Variants in SLC15A1 observed in about 807,000 individuals in gnomAD.
The protein encoded by SLC15A1 is solute carrier family 15 member 1.
SLC15A1 carries 83 observed loss-of-function variants against 92.9 expected under a neutral mutation model. The ratio of observed to expected loss-of-function variants is 0.89; its 90% CI spans 0.75 to 1.07. The LOEUF (loss-of-function observed/expected upper bound fraction) is 1.07, where lower values mean the gene tolerates loss of function less well. Ranked by LOEUF, SLC15A1 falls within the 50% of genes least tolerant of loss-of-function variation. The probability of loss-of-function intolerance (pLI) is 0.00; values close to 1 mark genes in which losing one functional copy is unlikely to be tolerated. For missense variants in SLC15A1, 857 were observed against 880.1 expected (o/e 0.97, Z 0.33); for synonymous variants, 322 against 318.2 (o/e 1.01, Z -0.13).
chr13:98,725,882 T>A (rs142060417), intron 4 of SLC15A1, among the ~76,000 whole-genome samples: 233 of 152,262 alleles, frequency 1.5e-3, no homozygotes, highest in African/African-American at 5.3e-3. Flanking sequence ...TATGCCACTA[T>A]GCCTTGCTAA....
chr13:98,752,190 C>A lies in SLC15A1; in HGVS notation c.4+405G>T, dbSNP rs1174363964. Among the ~76,000 whole-genome samples, 4 of 152,236 alleles carry A rather than the reference C, an allele frequency of 2.6e-5. No individual in the cohort carries two copies. In the East Asian group the frequency reaches 7.7e-4, roughly 29 times the overall value. ...CGGAACTCCAGGGTCACCTCGCCAG[C>A]CAGAGGCAAGACAAGTGCAAAGGCA... On this transcript the variant is annotated intron_variant, in intron 1 of 22. Transcript: ENST00000376503.
intron 5 of SLC15A1, 121 bp from the exon 6 acceptor site, chr13:98,722,024 C>T (rs773902887): frequency 1.2e-4 from 82 of 709,454 alleles, no homozygotes; most frequent in Non-Finnish European, 1.7e-4. Flanking sequence ...AAGACAATCT[C>T]GCGAGAAGCC....
rs2087915987 is a variant in SLC15A1 at position 98,684,641 on chromosome 13, C to T, written c.*83G>A. ...TTCTGAAGTCTTCCTCATCAGGGGCCATCCAATGGAGTGTCCTGCTACCTG... is the reference window on the plus strand; with the variant it reads ...TTCTGAAGTCTTCCTCATCAGGGGCTATCCAATGGAGTGTCCTGCTACCTG... On this transcript the variant is annotated 3_prime_UTR_variant, in exon 23 of 23. Coordinates refer to ENST00000376503, the MANE Select transcript of SLC15A1 (RefSeq NM_005073.4). 2 of 994,100 alleles carry T rather than the reference C, an allele frequency of 2.0e-6. No individual in the cohort carries two copies. Among genetic ancestry groups the T allele is most frequent in the East Asian group, 4.8e-5 (2 of 41,744 alleles). The allele number at this position is 994,100 out of a possible 1,614,324, so 61.6% of individuals were successfully genotyped here.
intron 5 of SLC15A1, among the ~76,000 whole-genome samples, chr13:98,723,367 A>G (rs1252998031): frequency 6.6e-6 from 1 of 152,256 alleles, no homozygotes; most frequent in Non-Finnish European, 1.5e-5. Flanking sequence ...CAAAAACAGG[A>G]AACTAAATAA....
chr13:98,730,523 C>T (rs959555231), intron 1 of SLC15A1, among the ~76,000 whole-genome samples: 5 of 152,164 alleles, frequency 3.3e-5, no homozygotes, highest in African/African-American at 1.2e-4. Flanking sequence ...GCCCTGCGGC[C>T]GAGTTTCATG....
chr13:98,687,641 A>G lies in SLC15A1; in HGVS notation c.1767T>C (p.Phe589=), dbSNP rs774584610. 9 of 1,614,086 alleles carry G rather than the reference A, an allele frequency of 5.6e-6. No individual in the cohort carries two copies. Among genetic ancestry groups the G allele is most frequent in the Non-Finnish European group, 6.8e-6 (8 of 1,180,032 alleles). Residue 589 remains phenylalanine, a synonymous_variant, in exon 21 of 23, where the codon TTT becomes TTC. Transcript: ENST00000376503. ...AGACCACTTCGCCACAGGTGAGAAG[A>G]AAATACTGCGGGATTTGCAGAGCCA... ...VNMALQIPQY[F]LLTCGEVVFS...
intron 5 of SLC15A1, among the ~76,000 whole-genome samples, chr13:98,723,091 T>A (rs1342693985): frequency 6.6e-6 from 1 of 152,124 alleles, no homozygotes; most frequent in African/African-American, 2.4e-5. Context: ...TGTTCTTAAC[T>A]GATATTACAG....
intron 1 of SLC15A1, among the ~76,000 whole-genome samples, chr13:98,734,171 G>A (rs556470572): frequency 2.6e-5 from 4 of 152,144 alleles, no homozygotes; most frequent in Non-Finnish European, 5.9e-5. Flanking sequence ...TCACCATGTT[G>A]GCCAGGCTGG....
In SLC15A1 at chr13:98,707,891, TAA is replaced by T. The variant is rs745924829; in HGVS notation, c.1149+793_1149+794del. On this transcript the variant is annotated intron_variant, in intron 15 of 22. Transcript: ENST00000376503. ...CTAGGCGACAGAGTGAGACCCTGTT[TAA>T]AAAAAAAAAAAAAAAAAAAAAAAAA... Among the ~76,000 whole-genome samples, 218 of 106,842 alleles carry T rather than the reference TAA, an allele frequency of 2.0e-3. 9 individuals carry two copies. The highest frequency in any genetic ancestry group is 7.3e-3 in the African/African-American group (186 of 25,330). 70.1% of individuals were successfully genotyped at this position (106,842 alleles called of 152,430 possible).
intron 8 of SLC15A1, among the ~76,000 whole-genome samples, chr13:98,717,191 G>T (rs1023375700): frequency 3.3e-5 from 5 of 152,126 alleles, no homozygotes; most frequent in African/African-American, 1.2e-4. Context: ...TGAGATTTTT[G>T]ACAGGTGCTA....
At chr13:98,691,552 A>G (rs1566443078) in intron 18 of SLC15A1, among the ~76,000 whole-genome samples, 3 of 152,242 alleles carry the variant, frequency 2.0e-5, no homozygotes. Context: ...CACCTGAGGA[A>G]GGTCTCACAA....
intron 5 of SLC15A1, among the ~76,000 whole-genome samples, chr13:98,723,341 TC>T (rs2088274736): frequency 6.6e-6 from 1 of 152,160 alleles, no homozygotes; most frequent in Non-Finnish European, 1.5e-5. Flanking sequence ...TACTTATAGA[TC>T]AAGGAACTGA....
chr13:98,705,483 C>A (rs2088105731), intron 16 of SLC15A1, among the ~76,000 whole-genome samples: 1 of 152,182 alleles, frequency 6.6e-6, no homozygotes, highest in African/African-American at 2.4e-5. Context: ...GCTAAATGTC[C>A]CCTAGCATCA....
At chr13:98,743,719 C>T (rs1341961448) in intron 1 of SLC15A1, among the ~76,000 whole-genome samples, 1 of 151,918 alleles carries the variant, frequency 6.6e-6, no homozygotes. Context: ...AAGTTAGCTT[C>T]CTGATCTACA....
At chr13:98,726,017 A>G (rs2088295407) in intron 4 of SLC15A1, 106 bp downstream of exon 4, 1 of 1,410,750 alleles carries the variant, frequency 7.1e-7, no homozygotes, top group Middle Eastern at 2.5e-4. Flanking sequence ...CTCTCCTAAG[A>G]GTTTCTGTTC....
chr13:98,748,028 TCAGA>T (rs923620681), intron 1 of SLC15A1, among the ~76,000 whole-genome samples: 2 of 152,226 alleles, frequency 1.3e-5, no homozygotes, highest in African/African-American at 2.4e-5. Flanking sequence ...ACCCTCCTGC[TCAGA>T]CAAACACTCC....
At chr13:98,712,020 A>C (rs1031845852) in intron 10 of SLC15A1, 77 bp from the exon 11 acceptor site, 1 of 1,049,438 alleles carries the variant, frequency 9.5e-7, no homozygotes, top group Non-Finnish European at 1.5e-6. Context: ...GGTGCTGCTG[A>C]TTTCAGTGGA....
chr13:98,716,012 G>T, intron 8 of SLC15A1, 52 bp from the exon 9 acceptor site: 1 of 1,447,406 alleles, frequency 6.9e-7, no homozygotes, highest in South Asian at 1.1e-5. Context: ...CGAGCGCCCT[G>T]TGGCCTAGAG....
At chr13:98,726,803 A>G in intron 2 of SLC15A1, 40 bp downstream of exon 2, 1 of 1,598,004 alleles carries the variant, frequency 6.3e-7, no homozygotes, top group Non-Finnish European at 8.6e-7. Context: ...GATAAAATTT[A>G]CAAGATGAAG....
Sources: gnomAD v4.1 joint callset for allele counts (sites outside exome capture counted in the v4.1 genomes callset) on GRCh38, gnomAD v4.1.1 for gene constraint, MANE v1.5 for transcripts, NCBI Gene and HGNC (gene_info 2026-07-23, HGNC 2026-07-21) for gene names.